PDE3A: variants seen among roughly 807,000 people sequenced by gnomAD.
The protein encoded by PDE3A is phosphodiesterase 3A, also known as cGMP-inhibited 3',5'-cyclic phosphodiesterase 3A.
In PDE3A, 43 loss-of-function variants were observed where a neutral mutation model predicts 98.3. That is an observed-to-expected ratio of 0.44 (90% CI 0.34 to 0.56). The LOEUF (loss-of-function observed/expected upper bound fraction) is 0.56, where lower values mean the gene tolerates loss of function less well. Among genes scored for constraint, PDE3A ranks in the 20% least tolerant of loss-of-function variants. The probability of loss-of-function intolerance (pLI) is 0.01; values close to 1 mark genes in which losing one functional copy is unlikely to be tolerated. For missense variants in PDE3A, 1,427 were observed against 1,440.7 expected (o/e 0.99, Z 0.15); for synonymous variants, 663 against 567.9 (o/e 1.17, Z -2.38).
intron 1 of PDE3A, among the ~76,000 whole-genome samples, chr12:20,451,421 G>A (rs1330765033): frequency 1.3e-5 from 2 of 151,988 alleles, no homozygotes; most frequent in Non-Finnish European, 2.9e-5. Context: ...TTATAGGTGT[G>A]TGCCACCACA....
chr12:20,686,603 C>G lies in PDE3A; in HGVS notation c.*6332C>G, dbSNP rs976555685. On this transcript the variant is annotated 3_prime_UTR_variant, in exon 16 of 16. Coordinates refer to ENST00000359062, the MANE Select transcript of PDE3A (RefSeq NM_000921.5). ...TTGAAAGTTCCTATTTCAAATTAAA[C>G]AAACTACAGCAGGATATTTTTCCTT... is the stretch of plus-strand genomic sequence containing the variant. Among the ~76,000 whole-genome samples the G allele has an allele frequency of 6.6e-6, 1 of 152,094 alleles. No homozygotes were observed. The highest frequency in any genetic ancestry group is 2.4e-5 in the African/African-American group (1 of 41,442).
In PDE3A at chr12:20,646,576, A is replaced by G. The variant is rs775137971; in HGVS notation, c.2338A>G (p.Asn780Asp). 1 of 1,603,070 alleles carries G rather than the reference A, an allele frequency of 6.2e-7. No homozygotes were observed. The change falls in exon 11 of 16, where the codon AAT (asparagine) becomes GAT (aspartate). Residue 780 changes from asparagine (N) to aspartate (D), a missense_variant. Asn to Asp is a conservative substitution (Grantham distance 23). Coordinates refer to ENST00000359062, the MANE Select transcript of PDE3A (RefSeq NM_000921.5). ...QPIPGLSTVI[N>D]DHGSTSDSDS... is the part of the protein sequence containing the mutation. Reference sequence around the variant, plus strand: ...TATTCCAGGCCTCTCAACTGTGATTAATGATCATGGTTCAACCAGTGATTC... The same window carrying G: ...TATTCCAGGCCTCTCAACTGTGATTGATGATCATGGTTCAACCAGTGATTC...
chr12:20,540,683 A>G lies in PDE3A; in HGVS notation c.961-15977A>G, dbSNP rs548888489. ...TTCATGTTTATGGAGAAATTTAAGA[A>G]TTAGAATTGTGATTCTTAATTCTAA... On this transcript the variant is annotated intron_variant, in intron 1 of 15. Transcript: ENST00000359062. 2.0e-5 allele frequency among the ~76,000 whole-genome samples: 3 copies of G among 152,158 alleles called. No individual in the cohort carries two copies. In the East Asian group the frequency reaches 5.8e-4, roughly 29 times the overall value.
intron 2 of PDE3A, among the ~76,000 whole-genome samples, chr12:20,596,825 C>G (rs529062489): frequency 5.3e-5 from 8 of 152,084 alleles, no homozygotes; most frequent in Non-Finnish European, 8.8e-5. Context: ...AACAAGTTCC[C>G]CTTAATAATC....
chr12:20,435,949 T>C (rs1302491141), intron 1 of PDE3A, among the ~76,000 whole-genome samples: 1 of 152,170 alleles, frequency 6.6e-6, no homozygotes, highest in Non-Finnish European at 1.5e-5. Context: ...TGTGTTGCAT[T>C]ATACGGGCAA....
chr12:20,669,071 A>G (rs1945398924), intron 15 of PDE3A, among the ~76,000 whole-genome samples: 2 of 152,028 alleles, frequency 1.3e-5, no homozygotes, highest in South Asian at 4.2e-4. Flanking sequence ...TCAGGAGCCG[A>G]TGTGATCAAC....
chr12:20,637,343 G>A, intron 9 of PDE3A, 106 bp downstream of exon 9: 1 of 759,712 alleles, frequency 1.3e-6, no homozygotes. Context: ...GTTATGTGGA[G>A]AAAGGAAGTT....
intron 1 of PDE3A, among the ~76,000 whole-genome samples, chr12:20,507,403 C>A (rs1946139429): frequency 6.6e-6 from 1 of 152,024 alleles, no homozygotes; most frequent in Admixed American, 6.6e-5. Context: ...AAGTACATGA[C>A]ATTGTGTATG....
At chr12:20,434,973 A>G (rs1236552970) in intron 1 of PDE3A, among the ~76,000 whole-genome samples, 1 of 152,238 alleles carries the variant, frequency 6.6e-6, no homozygotes, top group East Asian at 1.9e-4. Flanking sequence ...TGAGGGTTCC[A>G]CATTGAAAGA....
Position 20,369,502 on chromosome 12 carries a change from T to C in PDE3A, c.218T>C (p.Leu73Pro). The change falls in exon 1 of 16, where the codon CTG becomes CCG. Residue 73 changes from leucine to proline, a missense_variant. Physicochemically the swap from Leu to Pro is moderately conservative, Grantham distance 98. Around this residue, in one of 3 missense-constraint regions of PDE3A, gnomAD observed 1,012 missense variants for 886.5 expected, o/e 1.14. Transcript: ENST00000359062. ...SALCAGSLSF[L>P]LALLVRLVRG... ...CTGTGCGCGGGCTCCCTGTCCTTTC[T>C]GCTGGCGCTGCTGGTGAGGCTGGTC... is the stretch of plus-strand genomic sequence containing the variant. The C allele has an allele frequency of 2.6e-6, 4 of 1,559,544 alleles. No individual in the cohort carries two copies. The highest frequency in any genetic ancestry group is 3.5e-6 in the Non-Finnish European group (4 of 1,151,738).
intron 1 of PDE3A, among the ~76,000 whole-genome samples, chr12:20,553,579 AC>A (rs2121260671): frequency 6.9e-6 from 1 of 145,490 alleles, no homozygotes; most frequent in African/African-American, 2.5e-5. Context: ...CCTAGTTCAA[AC>A]CTTTGCCTCA....
chr12:20,539,631 T>G (rs577588256), intron 1 of PDE3A, among the ~76,000 whole-genome samples: 1 of 152,156 alleles, frequency 6.6e-6, no homozygotes, highest in South Asian at 2.1e-4. Context: ...ACGTTTGTGT[T>G]GGATGAATGG....
chr12:20,523,876 G>T (rs1052302341), intron 1 of PDE3A, among the ~76,000 whole-genome samples: 3 of 152,156 alleles, frequency 2.0e-5, no homozygotes, highest in African/African-American at 4.8e-5. Context: ...GTGCTATTGG[G>T]AACATTTAAA....
At chr12:20,535,784 G>A (rs1017941026) in intron 1 of PDE3A, among the ~76,000 whole-genome samples, 1 of 152,050 alleles carries the variant, frequency 6.6e-6, no homozygotes, top group African/African-American at 2.4e-5. Context: ...TATATGTAAA[G>A]GGTAACATAT....
At chr12:20,568,574 G>T (rs949210284) in intron 2 of PDE3A, among the ~76,000 whole-genome samples, 5 of 151,876 alleles carry the variant, frequency 3.3e-5, no homozygotes, top group Admixed American at 6.6e-5. Flanking sequence ...ATATCAAATT[G>T]TTGAACCCGT....
rs1946031324 is a variant in PDE3A at position 20,688,196 on chromosome 12, T to C, written c.*7925T>C. Among the ~76,000 whole-genome samples, 2 of 151,860 alleles carry C rather than the reference T, an allele frequency of 1.3e-5. No homozygotes were observed. The highest frequency in any genetic ancestry group is 4.8e-5 in the African/African-American group (2 of 41,374). On this transcript the variant is annotated 3_prime_UTR_variant, in exon 16 of 16. Transcript: ENST00000359062. ...TTTTCAACTTCTAGAAAAACAAGAG[T>C]GAGTCTTTTGAACTTCATCATTTTG...
intron 1 of PDE3A, among the ~76,000 whole-genome samples, chr12:20,536,613 T>C (rs1428219015): frequency 6.6e-6 from 1 of 152,100 alleles, no homozygotes; most frequent in East Asian, 1.9e-4. Flanking sequence ...ATTCCAGACT[T>C]TTCTTATAAA....
At chr12:20,615,396 A>ATATC (rs1943979121) in intron 3 of PDE3A, among the ~76,000 whole-genome samples, 1 of 152,144 alleles carries the variant, frequency 6.6e-6, no homozygotes, top group Admixed American at 6.5e-5. Flanking sequence ...GACATTACCC[A>ATATC]TATCTCTGTT....
chr12:20,632,895 T>G (rs1944413561), intron 6 of PDE3A, among the ~76,000 whole-genome samples: 1 of 151,978 alleles, frequency 6.6e-6, no homozygotes, highest in African/African-American at 2.4e-5. Flanking sequence ...TAAAGTTCTG[T>G]TTAGACATAA....
Sources: allele counts gnomAD v4.1 joint callset (sites outside exome capture counted in the v4.1 genomes callset), GRCh38; gene constraint gnomAD v4.1.1; regional missense constraint gnomAD v4.1.1; transcripts MANE v1.5; gene names NCBI Gene and HGNC (gene_info 2026-07-23, HGNC 2026-07-21).